The following CAPRIN2 variants were observed in gnomAD, a reference collection of about 807,000 sequenced individuals.
CAPRIN2 encodes caprin family member 2, also known as caprin-2.
Under a neutral mutation model 130.4 loss-of-function variants are expected in CAPRIN2, and 66 were observed. The observed-to-expected ratio is 0.51, with a 90% confidence interval of 0.42 to 0.62. The LOEUF (loss-of-function observed/expected upper bound fraction) is 0.62, where lower values mean the gene tolerates loss of function less well. CAPRIN2 is among the 20% of genes least tolerant of loss of function. CAPRIN2 has a pLI of 0.00. For synonymous variants in CAPRIN2, 471 were observed against 444.1 expected (o/e 1.06, Z -0.76); for missense variants, 1,185 against 1,246.6 (o/e 0.95, Z 0.74).
At chr12:30,712,089 T>C (rs1335504556) in intron 15 of CAPRIN2, among the ~76,000 whole-genome samples, 1 of 152,036 alleles carries the variant, frequency 6.6e-6, no homozygotes, top group African/African-American at 2.4e-5. Context: ...AAGAAATTGA[T>C]AAAAAATTAT....
chr12:30,716,329 G>A, intron 13 of CAPRIN2, 179 bp downstream of exon 15: 1 of 540,512 alleles, frequency 1.9e-6, no homozygotes, highest in Non-Finnish European at 3.2e-6. Context: ...AAATTAATAG[G>A]TAAACTTAAC....
Position 30,738,093 on chromosome 12 carries a change from G to T in CAPRIN2, c.571-2887C>A, listed in dbSNP as rs1441636076. ...TGTCTGACAAAAGAAAAACTTAAAA[G>T]AGGAGCCCAAAAATTACCAGGTAAA... On this transcript the variant is annotated intron_variant, in intron 3 of 16. Coordinates refer to ENST00000298892, the Ensembl canonical transcript of CAPRIN2. Among the ~76,000 whole-genome samples the T allele has an allele frequency of 2.0e-5, 3 of 151,996 alleles. No homozygotes were observed. In the East Asian group the frequency reaches 5.8e-4, roughly 29 times the overall value.
At chr12:30,742,505 C>A (rs1339808494) in intron 2 of CAPRIN2, among the ~76,000 whole-genome samples, 2 of 151,538 alleles carry the variant, frequency 1.3e-5, no homozygotes, top group Non-Finnish European at 2.9e-5. Flanking sequence ...CAAAAAAAAA[C>A]CCCAAAACTT....
rs546321789 is a variant in CAPRIN2, at chr12:30,738,014, T to G, written c.571-2808A>C. On this transcript the variant is annotated intron_variant, in intron 3 of 16. Coordinates refer to ENST00000298892, the Ensembl canonical transcript of CAPRIN2. ...AAAAGAAGGACTTCCAAATTTACTTTGAAGGGAAAAAAGAAAATGTTCCAC... is the reference window on the plus strand; with the variant it reads ...AAAAGAAGGACTTCCAAATTTACTTGGAAGGGAAAAAAGAAAATGTTCCAC... Among the ~76,000 whole-genome samples the G allele has an allele frequency of 1.5e-4, 23 of 151,986 alleles. No homozygotes were observed. The South Asian group carries it at 4.8e-3, about 32-fold the overall frequency.
At chr12:30,732,152 G>A (rs972603933) in intron 5 of CAPRIN2, among the ~76,000 whole-genome samples, 1 of 151,960 alleles carries the variant, frequency 6.6e-6, no homozygotes, top group Non-Finnish European at 1.5e-5. Flanking sequence ...GAGTTATGCT[G>A]TTTGTCCTTC....
chr12:30,716,659 T>C (rs755040329), exon 13 of CAPRIN2: 10 of 1,613,674 alleles, frequency 6.2e-6, no homozygotes, highest in Non-Finnish European at 8.5e-6. Context: ...GAGGCAGAGG[T>C]GCATTAACGT....
At chr12:30,751,288 G>T in intron 1 of CAPRIN2, 155 bp from the exon 3 acceptor site, 2 of 634,588 alleles carry the variant, frequency 3.2e-6, no homozygotes, top group Non-Finnish European at 2.8e-6. Flanking sequence ...AGCAACTGTA[G>T]ATGAGTTCCA....
intron 15 of CAPRIN2, among the ~76,000 whole-genome samples, chr12:30,712,474 CCT>C (rs1452014084): frequency 6.6e-6 from 1 of 152,148 alleles, no homozygotes; most frequent in Non-Finnish European, 1.5e-5. Context: ...ACATACATTC[CCT>C]GAGGATCACA....
intron 2 of CAPRIN2, among the ~76,000 whole-genome samples, chr12:30,750,320 C>A (rs2073100633): frequency 6.6e-6 from 1 of 151,990 alleles, no homozygotes; most frequent in African/African-American, 2.4e-5. Flanking sequence ...GACAAAAGAC[C>A]CACAAACAAG....
At chr12:30,714,141 G>C (rs969149189) in intron 14 of CAPRIN2, among the ~76,000 whole-genome samples, 1 of 152,120 alleles carries the variant, frequency 6.6e-6, no homozygotes, top group Non-Finnish European at 1.5e-5. Flanking sequence ...GGTGGTGGTA[G>C]GGCAGTTAGG....
chr12:30,742,245 T>C (rs1049764978), intron 2 of CAPRIN2, among the ~76,000 whole-genome samples: 1 of 152,062 alleles, frequency 6.6e-6, no homozygotes, highest in African/African-American at 2.4e-5. Context: ...TATACCTCAA[T>C]AGTGTTGGAA....
chr12:30,729,298 C>G (rs1200635335), exon 8 of CAPRIN2: 1 of 1,584,314 alleles, frequency 6.3e-7, no homozygotes, highest in South Asian at 1.2e-5. Flanking sequence ...GAATAATCTA[C>G]TTCTGTCATA....
chr12:30,729,171 A>T (rs1343632637), exon 8 of CAPRIN2: 2 of 1,613,916 alleles, frequency 1.2e-6, no homozygotes, highest in African/African-American at 2.7e-5. Context: ...CCAGGACTTA[A>T]AGGACTCCTG....
chr12:30,737,978 T>C (rs1452269632), intron 3 of CAPRIN2, among the ~76,000 whole-genome samples: 1 of 152,024 alleles, frequency 6.6e-6, no homozygotes, highest in East Asian at 1.9e-4. Context: ...AAGCAGAATG[T>C]AACAAGGTCG....
chr12:30,731,298 T>G, intron 6 of CAPRIN2, 45 bp downstream of exon 7: 1 of 1,539,214 alleles, frequency 6.5e-7, no homozygotes, highest in South Asian at 1.2e-5. Context: ...TTTGGGGTAT[T>G]AAAAAATGCA....
At chr12:30,738,744 T>C (rs1180893551) in intron 3 of CAPRIN2, among the ~76,000 whole-genome samples, 1 of 152,090 alleles carries the variant, frequency 6.6e-6, no homozygotes, top group Non-Finnish European at 1.5e-5. Flanking sequence ...GCAAAGGACA[T>C]GATGAATAGA....
At position 30,741,118 on chromosome 12, in the gene CAPRIN2, GATAAGAAAAC is replaced by G; in HGVS notation, c.484-22_484-13del. 6.6e-7 allele frequency: 1 copy of G among 1,519,818 alleles called. No individual in the cohort carries two copies. The highest frequency in any genetic ancestry group is 9.1e-7 in the Non-Finnish European group (1 of 1,102,988). 94.1% of individuals were successfully genotyped at this position (1,519,818 alleles called of 1,614,324 possible). A position where few individuals can be genotyped will look rare whatever the true frequency, so the allele number is the denominator to read the frequency against. ...TTCTCTACAGCTTCCTACCAAATAG[GATAAGAAAAC>G]ATAAATTTTGTGACTGTTTAAGTAT... On this transcript the variant is annotated splice_polypyrimidine_tract_variant and intron_variant, in intron 2 of 16. Transcript: ENST00000298892.
chr12:30,751,557 C>T (rs535685861), intron 1 of CAPRIN2: 41 of 206,658 alleles, frequency 2.0e-4, no homozygotes, highest in African/African-American at 2.8e-4. Context: ...AGAGTGCTAC[C>T]GGTATCTTGT....
intron 13 of CAPRIN2, chr12:30,716,304 T>C: frequency 2.0e-6 from 1 of 495,212 alleles, no homozygotes; most frequent in East Asian, 3.8e-5. Context: ...CTAAGTTCTA[T>C]CTCTACAAAA....
Sources: allele counts gnomAD v4.1 joint callset (sites outside exome capture counted in the v4.1 genomes callset), GRCh38; gene constraint gnomAD v4.1.1; transcripts MANE v1.5; gene names NCBI Gene and HGNC (gene_info 2026-07-23, HGNC 2026-07-21).